The following PARP8 variants were observed in gnomAD, a reference collection of about 807,000 sequenced individuals.
PARP8 encodes protein mono-ADP-ribosyltransferase PARP8.
In PARP8, 51 loss-of-function variants were observed where a neutral mutation model predicts 124.1. The observed-to-expected ratio is 0.41, with a 90% CI of 0.33 to 0.52. PARP8 has a LOEUF of 0.52. Among genes scored for constraint, PARP8 ranks in the 20% least tolerant of loss-of-function variants. PARP8 has a pLI of 0.21. For missense variants in PARP8, 860 were observed against 1,018.9 expected, an observed-to-expected ratio of 0.84 and a Z score of 2.12; for synonymous variants, 391 against 361.5, an observed-to-expected ratio of 1.08 and a Z score of -0.93.
At chr5:50,691,641 T>C (rs1030841655) in intron 2 of PARP8, among the ~76,000 whole-genome samples, 1 of 152,174 alleles carries the variant, frequency 6.6e-6, no homozygotes, top group African/African-American at 2.4e-5. Context: ...CCCAAATTCC[T>C]GACCCTTTGT....
intron 7 of PARP8, among the ~76,000 whole-genome samples, chr5:50,770,960 A>AG (rs1761563605): frequency 6.6e-6 from 1 of 152,084 alleles, no homozygotes; most frequent in Admixed American, 6.5e-5. Flanking sequence ...TTTATCATGT[A>AG]GTACAGACAT....
chr5:50,772,786 G>T (rs754154710), intron 7 of PARP8, among the ~76,000 whole-genome samples: 1 of 151,974 alleles, frequency 6.6e-6, no homozygotes, highest in Non-Finnish European at 1.5e-5. Context: ...AACCTCTGCC[G>T]ACTGGGTTCA....
intron 19 of PARP8, among the ~76,000 whole-genome samples, chr5:50,827,021 G>A (rs539743198): frequency 6.6e-6 from 1 of 152,128 alleles, no homozygotes; most frequent in Admixed American, 6.5e-5. Flanking sequence ...GACTTTTTAA[G>A]TGAATAAAAA....
intron 2 of PARP8, among the ~76,000 whole-genome samples, chr5:50,710,119 T>C (rs917886025): frequency 9.9e-5 from 15 of 151,796 alleles, no homozygotes; most frequent in East Asian, 1.9e-4. Context: ...ATATTAATAA[T>C]TTTTTTCTGG....
chr5:50,760,249 T>C (rs757712678), intron 4 of PARP8, 43 bp from the exon 5 acceptor site: 1 of 1,393,660 alleles, frequency 7.2e-7, no homozygotes, highest in South Asian at 1.4e-5. Flanking sequence ...GTAAATAGCA[T>C]ACTAAGTATC....
chr5:50,667,174 T>G lies in PARP8; in HGVS notation c.79T>G (p.Cys27Gly). ...CCAGAAGTCCAGAGCTGAGAAGGACTGCCTGTTTGCAGGTGAGTTCTTGCT... is the reference window on the plus strand; with the variant it reads ...CCAGAAGTCCAGAGCTGAGAAGGACGGCCTGTTTGCAGGTGAGTTCTTGCT... ...VIQKSRAEKDCLFADFRYSDS... is the reference protein window; with the variant it reads ...VIQKSRAEKDGLFADFRYSDS... Residue 27 changes from cysteine (C) to glycine (G), a missense_variant, in exon 1 of 26, where the codon TGC becomes GGC. Physicochemically the swap from Cys to Gly is radical, Grantham distance 159. This residue lies in a region of PARP8 where 517 missense variants were observed against 544.2 expected (regional missense o/e 0.95). Coordinates refer to ENST00000281631, the MANE Select transcript of PARP8 (RefSeq NM_024615.4). The G allele has an allele frequency of 6.3e-7, 1 of 1,596,384 alleles. No homozygotes were observed. The highest frequency in any genetic ancestry group is 8.5e-7 in the Non-Finnish European group (1 of 1,179,732).
chr5:50,677,672 C>T (rs1300466905), intron 2 of PARP8, among the ~76,000 whole-genome samples: 1 of 152,018 alleles, frequency 6.6e-6, no homozygotes, highest in East Asian at 1.9e-4. Flanking sequence ...TGTTGACTTT[C>T]TGTGCCATTA....
intron 2 of PARP8, among the ~76,000 whole-genome samples, chr5:50,691,328 G>C (rs1752477167): frequency 6.6e-6 from 1 of 152,080 alleles, no homozygotes; most frequent in African/African-American, 2.4e-5. Flanking sequence ...CAGTCTGCCA[G>C]TGCCTCCAGG....
chr5:50,677,887 A>G (rs1344627169), intron 2 of PARP8, among the ~76,000 whole-genome samples: 1 of 151,990 alleles, frequency 6.6e-6, no homozygotes, highest in African/African-American at 2.4e-5. Context: ...GAAGGCAAAG[A>G]CTTTTTCAAC....
chr5:50,702,170 A>G (rs184166374), intron 2 of PARP8, among the ~76,000 whole-genome samples: 14 of 152,308 alleles, frequency 9.2e-5, no homozygotes, highest in Middle Eastern at 3.4e-3. Flanking sequence ...CTTTTAAAAA[A>G]TAACATTTAA....
chr5:50,755,551 GGTACCA>G (rs1759836475), intron 3 of PARP8, among the ~76,000 whole-genome samples: 1 of 152,026 alleles, frequency 6.6e-6, no homozygotes, highest in Non-Finnish European at 1.5e-5. Flanking sequence ...TCTCTGTTTT[GGTACCA>G]GTACCATACT....
At chr5:50,680,110 A>G (rs1202609494) in intron 2 of PARP8, among the ~76,000 whole-genome samples, 2 of 152,188 alleles carry the variant, frequency 1.3e-5, no homozygotes, top group African/African-American at 4.8e-5. Context: ...TTAAACTGTC[A>G]TAAATGGAAA....
At chr5:50,728,103 C>T (rs187813334) in intron 2 of PARP8, among the ~76,000 whole-genome samples, 2 of 152,140 alleles carry the variant, frequency 1.3e-5, no homozygotes, top group East Asian at 1.9e-4. Flanking sequence ...TTGCCAGTGC[C>T]GAGACCTTGG....
chr5:50,667,905 G>T (rs1378557193), intron 1 of PARP8, 166 bp from the exon 2 acceptor site: 1 of 1,498,932 alleles, frequency 6.7e-7, no homozygotes, highest in Admixed American at 2.3e-5. Flanking sequence ...TCGGGGGCGC[G>T]CCGCATCCCC....
intron 14 of PARP8, among the ~76,000 whole-genome samples, chr5:50,814,676 A>G (rs940940058): frequency 6.6e-6 from 1 of 152,140 alleles, no homozygotes; most frequent in African/African-American, 2.4e-5. Context: ...GGCCTCTGAA[A>G]GAAGTAAGCG....
At position 50,835,013 on chromosome 5, in the gene PARP8, C is replaced by T. The variant is rs1225789516; in HGVS notation, c.2460C>T (p.Phe820=). The change falls in exon 25 of 26, where the codon TTC becomes TTT. Residue 820 remains phenylalanine, a splice_region_variant and synonymous_variant. Transcript: ENST00000281631. The part of the protein sequence containing the change: ...NTDHVCTRFF[F]VYEDGQVGDA... The stretch of plus-strand genomic sequence containing the variant: ...ACCATGTCTGCACACGATTCTTTTT[C>T]GTGTAAGTGGAAATGCTCAAATTTG... The T allele has an allele frequency of 3.7e-6, 6 of 1,611,588 alleles. No individual in the cohort carries two copies. Among genetic ancestry groups the T allele is most frequent in the East Asian group, 2.2e-5 (1 of 44,752 alleles).
In PARP8 at chr5:50,686,799, C is replaced by G. The variant is rs1212497339; in HGVS notation, c.146+18674C>G. Among the ~76,000 whole-genome samples, 3 of 152,164 alleles carry G rather than the reference C, an allele frequency of 2.0e-5. No individual in the cohort carries two copies. The East Asian group carries it at 5.8e-4, about 29-fold the overall frequency. Reference sequence around the variant, plus strand: ...CTCTGAAGCAACAGCCTGAGCTATACCTTGGGTCCTTTCAGTCAGGGTTGC... The same window carrying G: ...CTCTGAAGCAACAGCCTGAGCTATAGCTTGGGTCCTTTCAGTCAGGGTTGC... On this transcript the variant is annotated intron_variant, in intron 2 of 25. Coordinates refer to ENST00000281631, the MANE Select transcript of PARP8 (RefSeq NM_024615.4).
At chr5:50,696,759 T>C (rs193257285) in intron 2 of PARP8, among the ~76,000 whole-genome samples, 41 of 152,302 alleles carry the variant, frequency 2.7e-4, no homozygotes, top group African/African-American at 9.4e-4. Flanking sequence ...TCTCTATTTG[T>C]ACTTCTTTAT....
At chr5:50,730,325 C>CA (rs1162915582) in intron 2 of PARP8, among the ~76,000 whole-genome samples, 1 of 151,662 alleles carries the variant, frequency 6.6e-6, no homozygotes, top group African/African-American at 2.4e-5. Context: ...AATTGACTCA[C>CA]AGTTCAACAG....
Sources: gnomAD v4.1 joint callset for allele counts (sites outside exome capture counted in the v4.1 genomes callset) on GRCh38, gnomAD v4.1.1 for gene constraint, gnomAD v4.1.1 regional missense constraint, MANE v1.5 for transcripts, NCBI Gene and HGNC (gene_info 2026-07-23, HGNC 2026-07-21) for gene names.